DLGAP2: variants seen among roughly 807,000 people sequenced by gnomAD.
DLGAP2 encodes the protein DLG associated protein 2.
Under a neutral mutation model 100.3 loss-of-function variants are expected in DLGAP2, and 26 were observed. The ratio of observed to expected loss-of-function variants is 0.26; its 90% CI spans 0.19 to 0.36. The LOEUF (loss-of-function observed/expected upper bound fraction) is 0.36. Among genes scored for constraint, DLGAP2 ranks in the 10% least tolerant of loss-of-function variants. The probability of loss-of-function intolerance (pLI) is 1.00; values close to 1 mark genes in which losing one functional copy is unlikely to be tolerated. For missense variants in DLGAP2, 1,858 were observed against 1,453.2 expected, an observed-to-expected ratio of 1.28 and a Z score of -4.53; for synonymous variants, 886 against 630.1, an observed-to-expected ratio of 1.41 and a Z score of -6.08.
At chr8:938,565 C>G (rs1169268105) in intron 2 of DLGAP2, among the ~76,000 whole-genome samples, 1 of 152,218 alleles carries the variant, frequency 6.6e-6, no homozygotes, top group African/African-American at 2.4e-5. Flanking sequence ...CTACAAGGGC[C>G]TCCCCTGCTC....
intron 3 of DLGAP2, among the ~76,000 whole-genome samples, chr8:1,468,366 A>G (rs1798685195): frequency 6.6e-6 from 1 of 151,790 alleles, no homozygotes. Flanking sequence ...AGTCCCCAGC[A>G]GCCTCAGTCC....
chr8:1,617,175 A>G (rs1269189805), intron 6 of DLGAP2, among the ~76,000 whole-genome samples: 3 of 152,176 alleles, frequency 2.0e-5, no homozygotes, highest in Non-Finnish European at 4.4e-5. Context: ...GCTATAGTGA[A>G]TAGTGCTGCA....
At chr8:1,311,598 C>T (rs1249181805) in intron 3 of DLGAP2, among the ~76,000 whole-genome samples, 2 of 152,026 alleles carry the variant, frequency 1.3e-5, no homozygotes, top group African/African-American at 2.4e-5. Flanking sequence ...GGGATTTATT[C>T]CAGGAATGTA....
At chr8:1,199,222 C>T (rs959543218) in intron 2 of DLGAP2, among the ~76,000 whole-genome samples, 8 of 152,202 alleles carry the variant, frequency 5.3e-5, no homozygotes, top group African/African-American at 1.9e-4. Context: ...TATCTTCACT[C>T]AGTGTGGATA....
chr8:1,380,912 C>T (rs766571913), intron 3 of DLGAP2, among the ~76,000 whole-genome samples: 7 of 109,654 alleles, frequency 6.4e-5, no homozygotes, highest in Non-Finnish European at 1.2e-4. Flanking sequence ...ATCTCAGAAC[C>T]GGTTAGGATG....
intron 2 of DLGAP2, among the ~76,000 whole-genome samples, chr8:1,241,654 A>G (rs1012974490): frequency 6.6e-6 from 1 of 152,188 alleles, no homozygotes; most frequent in South Asian, 2.1e-4. Flanking sequence ...CATTTTAACC[A>G]GTGGAAATGA....
intron 1 of DLGAP2, among the ~76,000 whole-genome samples, chr8:854,539 G>A (rs1321948443): frequency 6.6e-6 from 1 of 152,104 alleles, no homozygotes; most frequent in East Asian, 1.9e-4. Flanking sequence ...GGGCCGGACT[G>A]ACATGTGTGT....
intron 1 of DLGAP2, among the ~76,000 whole-genome samples, chr8:824,287 G>T (rs189526752): frequency 6.6e-6 from 1 of 151,746 alleles, no homozygotes; most frequent in African/African-American, 2.4e-5. Context: ...TGTTGCCCAG[G>T]CTGGTCTTGC....
intron 3 of DLGAP2, among the ~76,000 whole-genome samples, chr8:1,472,055 C>T (rs1584936556): frequency 1.3e-5 from 2 of 152,374 alleles, no homozygotes; most frequent in South Asian, 4.1e-4. Context: ...AAGCCCTGGT[C>T]TCATAGCAGC....
chr8:1,164,712 T>G (rs1796980744), intron 2 of DLGAP2, among the ~76,000 whole-genome samples: 1 of 152,168 alleles, frequency 6.6e-6, no homozygotes, highest in African/African-American at 2.4e-5. Flanking sequence ...CTGTGAAGTT[T>G]GTCTTTCTGA....
chr8:1,127,268 T>C lies in DLGAP2; in HGVS notation c.74-131583T>C, dbSNP rs560375183. ...TTGAAGATTTTTGTAGCTGGGCTCA[T>C]TGGGGTGACTCCAGGTCGGGTGAAC... On this transcript the variant is annotated intron_variant, in intron 2 of 14. Transcript: ENST00000637795. Among the ~76,000 whole-genome samples, 8 of 151,876 alleles carry C rather than the reference T, an allele frequency of 5.3e-5. No homozygotes were observed. In the East Asian group the frequency reaches 1.4e-3, roughly 26 times the overall value.
intron 2 of DLGAP2, among the ~76,000 whole-genome samples, chr8:1,149,318 T>C (rs2129051356): frequency 1.3e-5 from 2 of 152,086 alleles, no homozygotes; most frequent in Admixed American, 1.3e-4. Flanking sequence ...GCTAATTTTT[T>C]TTGTATTTTT....
At chr8:924,222 G>A (rs1798769297) in intron 2 of DLGAP2, among the ~76,000 whole-genome samples, 1 of 152,190 alleles carries the variant, frequency 6.6e-6, no homozygotes, top group Non-Finnish European at 1.5e-5. Flanking sequence ...CTTGAAGGAG[G>A]TGACGTTAAT....
At chr8:1,217,490 G>T (rs1412659807) in intron 2 of DLGAP2, among the ~76,000 whole-genome samples, 1 of 152,120 alleles carries the variant, frequency 6.6e-6, no homozygotes, top group Admixed American at 6.6e-5. Context: ...TGGATTACTG[G>T]ATCAAATGGT....
At chr8:1,026,855 C>T (rs1266214099) in intron 2 of DLGAP2, among the ~76,000 whole-genome samples, 1 of 152,186 alleles carries the variant, frequency 6.6e-6, no homozygotes, top group African/African-American at 2.4e-5. Context: ...AACTGACCCC[C>T]AACACATTTA....
intron 3 of DLGAP2, among the ~76,000 whole-genome samples, chr8:1,323,769 C>T (rs939254319): frequency 1.3e-5 from 2 of 152,182 alleles, no homozygotes; most frequent in African/African-American, 4.8e-5. Context: ...CCCAGGACAC[C>T]TTTTTATTTG....
chr8:1,123,396 C>T (rs1020009987), intron 2 of DLGAP2, among the ~76,000 whole-genome samples: 3 of 152,150 alleles, frequency 2.0e-5, no homozygotes, highest in African/African-American at 4.8e-5. Context: ...AGCCTCCACC[C>T]GGTCAGAATG....
intron 8 of DLGAP2, among the ~76,000 whole-genome samples, chr8:1,644,218 C>A (rs1016833751): frequency 1.3e-5 from 2 of 152,240 alleles, no homozygotes; most frequent in Admixed American, 6.5e-5. Context: ...ACCCACTCTC[C>A]ATCCTGCCTG....
intron 2 of DLGAP2, among the ~76,000 whole-genome samples, chr8:1,154,404 C>A (rs1796744305): frequency 6.6e-6 from 1 of 151,730 alleles, no homozygotes; most frequent in African/African-American, 2.4e-5. Context: ...TATCCAGATG[C>A]CCCTCTCTTC....
Sources: gnomAD v4.1 joint callset for allele counts (sites outside exome capture counted in the v4.1 genomes callset) on GRCh38, gnomAD v4.1.1 for gene constraint, MANE v1.5 for transcripts, NCBI Gene and HGNC (gene_info 2026-07-23, HGNC 2026-07-21) for gene names.